GRHL1: variants seen among roughly 807,000 people sequenced by gnomAD.
The protein encoded by GRHL1 is grainyhead-like protein 1 homolog.
GRHL1 carries 38 observed loss-of-function variants against 75.7 expected under a neutral mutation model. The ratio of observed to expected loss-of-function variants is 0.50; its 90% CI spans 0.39 to 0.66. The LOEUF is 0.66. Ranked by LOEUF, GRHL1 falls within the 30% of genes least tolerant of loss-of-function variation. The probability of loss-of-function intolerance (pLI) is 0.00; values close to 1 mark genes in which losing one functional copy is unlikely to be tolerated. For missense variants in GRHL1, 589 were observed against 767.5 expected, an observed-to-expected ratio of 0.77 and a Z score of 2.75; for synonymous variants, 266 against 279.4, an observed-to-expected ratio of 0.95 and a Z score of 0.48.
At chr2:9,993,813 C>T (rs989804010) in intron 12 of GRHL1, among the ~76,000 whole-genome samples, 4 of 152,354 alleles carry the variant, frequency 2.6e-5, no homozygotes, top group African/African-American at 7.2e-5. Context: ...TTCTCCACTG[C>T]AAAGTGGCTC....
rs1384905024 is a variant in GRHL1 at position 9,958,799 on chromosome 2, G to A, written c.221G>A (p.Arg74Lys). ...LYDYYKVPRE[R>K]RSSTAKPEVE... ...TGCTAATATCAGGTTCCAAGAGAGAGAAGGTCATCAACAGCAAAGCCAGAG... is the reference window on the plus strand; with the variant it reads ...TGCTAATATCAGGTTCCAAGAGAGAAAAGGTCATCAACAGCAAAGCCAGAG... Residue 74 changes from arginine (R) to lysine (K), a missense_variant, in exon 3 of 16, where the codon AGA becomes AAA. Physicochemically the swap from Arg to Lys is conservative, Grantham distance 26 (BLOSUM62 2). Around this residue, in one of 5 missense-constraint regions of GRHL1, gnomAD observed 362 missense variants for 461.8 expected, o/e 0.78. Transcript: ENST00000324907. 1 of 1,613,528 alleles carries A rather than the reference G, an allele frequency of 6.2e-7. No individual in the cohort carries two copies. The highest frequency in any genetic ancestry group is 1.7e-5 in the Admixed American group (1 of 60,024).
Position 9,990,548 on chromosome 2 carries a change from T to C in GRHL1, c.1270-148T>C. ...GACTAATCTTTTTAGAAGAAACTAC[T>C]ATGATAAGCCTCATGAATATAGTAA... On this transcript the variant is annotated intron_variant, in intron 9 of 15. Transcript: ENST00000324907. The surrounding 1 kb of genome is among the most constrained non-coding windows in gnomAD (Gnocchi z 4.2). 1 of 444,192 alleles carries C rather than the reference T, an allele frequency of 2.3e-6. No individual in the cohort carries two copies. The allele number at this position is 444,192 out of a possible 1,614,324, so 27.5% of individuals were successfully genotyped here. A position where few individuals can be genotyped will look rare whatever the true frequency, so the allele number is the denominator to read the frequency against.
chr2:9,976,322 T>C (rs1667946480), intron 8 of GRHL1, among the ~76,000 whole-genome samples: 1 of 152,050 alleles, frequency 6.6e-6, no homozygotes, highest in Non-Finnish European at 1.5e-5. Flanking sequence ...TGGTGGGGGT[T>C]CCTAAAGGAT....
At chr2:9,952,236 C>G (rs1367994199) in intron 1 of GRHL1, among the ~76,000 whole-genome samples, 4 of 152,242 alleles carry the variant, frequency 2.6e-5, no homozygotes, top group East Asian at 1.9e-4. Context: ...CTCTCCTGCC[C>G]GGTCGGCCTC....
chr2:9,963,255 G>A (rs1220693458), intron 5 of GRHL1, among the ~76,000 whole-genome samples: 1 of 152,144 alleles, frequency 6.6e-6, no homozygotes, highest in Non-Finnish European at 1.5e-5. Flanking sequence ...TACAACCTCT[G>A]TATATTTTTG....
intron 8 of GRHL1, among the ~76,000 whole-genome samples, chr2:9,982,040 C>T (rs1668218408): frequency 6.6e-6 from 1 of 152,164 alleles, no homozygotes; most frequent in South Asian, 2.1e-4. Flanking sequence ...CTTAAGAACT[C>T]TTGAGTATTT....
At chr2:9,954,189 C>T (rs3828262) in intron 1 of GRHL1, among the ~76,000 whole-genome samples, 24,077 of 152,098 alleles carry the variant, frequency 0.16, 2,068 homozygotes, top group Non-Finnish European at 0.19. Flanking sequence ...ATTTTCCCAC[C>T]TATTTTTTTT....
rs941025205 is a variant in GRHL1 at position 9,987,772 on chromosome 2, G to A, written c.1269+1490G>A. 6.6e-6 allele frequency among the ~76,000 whole-genome samples: 1 copy of A among 152,194 alleles called. No individual in the cohort carries two copies. The highest frequency in any genetic ancestry group is 2.4e-5 in the African/African-American group (1 of 41,462). The stretch of plus-strand genomic sequence containing the variant: ...GCGTCGAGTCTTGAGGGGAAAGTTT[G>A]TGCTGGCTCGAAACTGGGGAGCAAC... On this transcript the variant is annotated intron_variant, in intron 9 of 15. Coordinates refer to ENST00000324907, the MANE Select transcript of GRHL1 (RefSeq NM_198182.3). This position sits in a 1 kb window ranked among gnomAD's most constrained non-coding sequence, Gnocchi z 4.2.
At chr2:9,959,043 T>C in intron 3 of GRHL1, 187 bp downstream of exon 3, 1 of 856,688 alleles carries the variant, frequency 1.2e-6, no homozygotes, top group African/African-American at 1.7e-5. Context: ...CTTTTTTCTT[T>C]GGGCGTAGTA....
Position 9,964,057 on chromosome 2 carries a change from T to G in GRHL1, c.903+15T>G, listed in dbSNP as rs1443096250. The G allele has an allele frequency of 6.2e-7, 1 of 1,609,840 alleles. No individual in the cohort carries two copies. Among genetic ancestry groups the G allele is most frequent in the African/African-American group, 1.3e-5 (1 of 74,842 alleles). On this transcript the variant is annotated intron_variant, in intron 6 of 15. Coordinates refer to ENST00000324907, the MANE Select transcript of GRHL1 (RefSeq NM_198182.3). The stretch of plus-strand genomic sequence containing the variant: ...GCAAAGTTCGAGTAAGTTCTGCTCT[T>G]AGTCCTGTTCTCTAGGAAAGCTAGT...
At chr2:9,952,491 G>A (rs1666833308) in intron 1 of GRHL1, among the ~76,000 whole-genome samples, 1 of 152,174 alleles carries the variant, frequency 6.6e-6, no homozygotes, top group Non-Finnish European at 1.5e-5. Context: ...TGTTTTTAGT[G>A]CTCGAGAGAA....
At chr2:9,984,943 C>G (rs557515805) in intron 8 of GRHL1, among the ~76,000 whole-genome samples, 6 of 151,756 alleles carry the variant, frequency 4.0e-5, no homozygotes, top group Non-Finnish European at 7.4e-5. Context: ...TGGCGCACAC[C>G]TGTGATCCCA....
chr2:9,955,232 G>C (rs1366004768), intron 2 of GRHL1, 131 bp downstream of exon 2: 1 of 625,734 alleles, frequency 1.6e-6, no homozygotes, highest in African/African-American at 1.8e-5. Flanking sequence ...AGTTTAATGA[G>C]TACTTTGACT....
chr2:9,953,644 T>C (rs75435701), intron 1 of GRHL1, among the ~76,000 whole-genome samples: 3,064 of 152,362 alleles, frequency 0.02, 42 homozygotes, highest in Non-Finnish European at 0.025. Flanking sequence ...TGGATTTTTT[T>C]CCCCTTTTTT....
chr2:9,997,715 C>T (rs552584455), intron 14 of GRHL1, among the ~76,000 whole-genome samples: 4 of 151,094 alleles, frequency 2.6e-5, no homozygotes, highest in Non-Finnish European at 4.4e-5. Flanking sequence ...CCCAGCTACT[C>T]GGGAGGCTGA....
chr2:9,961,196 G>A lies in GRHL1; in HGVS notation c.429G>A (p.Thr143=), dbSNP rs756658439. 3.2e-5 allele frequency: 51 copies of A among 1,613,936 alleles called. No homozygotes were observed. The highest frequency in any genetic ancestry group is 4.2e-5 in the Non-Finnish European group (50 of 1,179,984). ...DKRGHLTAPD[T]TVTVSIATMP... ...GAGGCCATCTGACAGCTCCAGATAC[G>A]ACAGTCACTGTCTCCATAGCAACGA... The change falls in exon 4 of 16, where the codon ACG becomes ACA. Residue 143 remains threonine, a synonymous_variant. Coordinates refer to ENST00000324907, the MANE Select transcript of GRHL1 (RefSeq NM_198182.3).
intron 2 of GRHL1, among the ~76,000 whole-genome samples, chr2:9,955,608 A>G (rs1256855912): frequency 6.6e-6 from 1 of 152,204 alleles, no homozygotes; most frequent in African/African-American, 2.4e-5. Flanking sequence ...AATATAATCT[A>G]TACTCTGCAT....
chr2:9,957,838 C>T (rs1201879432), intron 2 of GRHL1, among the ~76,000 whole-genome samples: 1 of 152,210 alleles, frequency 6.6e-6, no homozygotes, highest in Non-Finnish European at 1.5e-5. Flanking sequence ...GTTATTTCTA[C>T]AGGACACTCA....
At position 9,993,254 on chromosome 2, in the gene GRHL1, A is replaced by T. The variant is rs1558315374; in HGVS notation, c.1499+10A>T. 6.2e-7 allele frequency: 1 copy of T among 1,606,390 alleles called. No individual in the cohort carries two copies. The highest frequency in any genetic ancestry group is 8.5e-7 in the Non-Finnish European group (1 of 1,173,016). On this transcript the variant is annotated intron_variant, in intron 12 of 15. Transcript: ENST00000324907. ...AATTGGAGGGTGAAGGGTAAGATTTATGTTTTGTTTTGTTTTGTTTTAATA... is the reference window on the plus strand; with the variant it reads ...AATTGGAGGGTGAAGGGTAAGATTTTTGTTTTGTTTTGTTTTGTTTTAATA...
Sources: gnomAD v4.1 joint callset for allele counts (sites outside exome capture counted in the v4.1 genomes callset) on GRCh38, gnomAD v4.1.1 for gene constraint, gnomAD v4.1.1 regional missense constraint, Gnocchi (gnomAD v3.1) non-coding constraint, MANE v1.5 for transcripts, NCBI Gene and HGNC (gene_info 2026-07-23, HGNC 2026-07-21) for gene names.